ZNF84: variants seen among roughly 807,000 people sequenced by gnomAD.
ZNF84 encodes the protein zinc finger protein 84.
Under a neutral mutation model 14.8 loss-of-function variants are expected in ZNF84, and 12 were observed. The ratio of observed to expected loss-of-function variants is 0.81; its 90% confidence interval spans 0.52 to 1.31. The LOEUF is 1.31. ZNF84 is among the 50% of genes most tolerant of loss of function. The pLI is 0.00. For synonymous variants in ZNF84, 347 were observed against 291.1 expected, an observed-to-expected ratio of 1.19 and a Z score of -1.96; for missense variants, 859 against 878.6, an observed-to-expected ratio of 0.98 and a Z score of 0.28.
rs777391836 is a variant in ZNF84 at position 133,041,351 on chromosome 12, A to C, written c.-117A>C. The C allele has an allele frequency of 2.1e-4, 202 of 957,958 alleles. No homozygotes were observed. The highest frequency in any genetic ancestry group is 3.0e-4 in the Non-Finnish European group (182 of 604,576). The allele number at this position is 957,958 out of a possible 1,614,324, so 59.3% of individuals were successfully genotyped here. On this transcript the variant is annotated 5_prime_UTR_variant, in exon 2 of 5. Transcript: ENST00000539354. ...AAGGAGTTCCTGGAACCAGGAATTC[A>C]TTCTCAGTGTAGAAGACCTAGCTGA...
intron 2 of ZNF84, among the ~76,000 whole-genome samples, chr12:133,046,616 C>T (rs997442656): frequency 3.0e-4 from 45 of 151,026 alleles, no homozygotes; most frequent in Non-Finnish European, 6.2e-4. Context: ...TAAGACAATG[C>T]GACTTTTGAG....
Position 133,059,191 on chromosome 12 carries a change from A to G in ZNF84, c.*259A>G, listed in dbSNP as rs1954215565. ...TTCACAGCAAAGAAGAATCCTGTGA[A>G]TGTCCAAAAGCCTTCCAGAAGTCAA... On this transcript the variant is annotated 3_prime_UTR_variant, in exon 5 of 5. Transcript: ENST00000539354. 1 of 417,696 alleles carries G rather than the reference A, an allele frequency of 2.4e-6. No individual in the cohort carries two copies. Among genetic ancestry groups the G allele is most frequent in the Non-Finnish European group, 4.2e-6 (1 of 237,058 alleles). The allele number at this position is 417,696 out of a possible 1,614,324, so 25.9% of individuals were successfully genotyped here.
chr12:133,046,265 C>G (rs1008067557), intron 2 of ZNF84, among the ~76,000 whole-genome samples: 10 of 151,888 alleles, frequency 6.6e-5, no homozygotes, highest in African/African-American at 4.8e-5. Flanking sequence ...GCCCCAGCCC[C>G]ACTGTGGCCT....
chr12:133,040,366 A>C (rs1183455425), intron 1 of ZNF84: 1 of 151,942 alleles, frequency 6.6e-6, no homozygotes, highest in Non-Finnish European at 1.5e-5. Flanking sequence ...GTTTGAGACT[A>C]TCCTGGGCAG....
intron 1 of ZNF84, chr12:133,040,777 C>G (rs962577127): frequency 6.6e-6 from 1 of 152,056 alleles, no homozygotes; most frequent in South Asian, 2.1e-4. Flanking sequence ...ACTGACCAAT[C>G]TCTAGTCATA....
chr12:133,037,864 C>T (rs1266241194), intron 1 of ZNF84: 1 of 152,270 alleles, frequency 6.6e-6, no homozygotes, highest in African/African-American at 2.4e-5. Flanking sequence ...GGCCAGCCCG[C>T]TTGCCGCGCC....
rs1272505675 is a variant in ZNF84 at position 133,061,167 on chromosome 12, C to G, written c.*2235C>G. 3.3e-5 allele frequency: 5 copies of G among 152,166 alleles called. No individual in the cohort carries two copies. The highest frequency in any genetic ancestry group is 7.3e-5 in the Non-Finnish European group (5 of 68,032). 9.4% of individuals were successfully genotyped at this position (152,166 alleles called of 1,614,324 possible). A position where few individuals can be genotyped will look rare whatever the true frequency, so the allele number is the denominator to read the frequency against. ...AATTTTCCAACTTTTTGTTCATACT[C>G]AAGTGTATGAACTTCCTGGCTGGGC... On this transcript the variant is annotated 3_prime_UTR_variant, in exon 5 of 5. Coordinates refer to ENST00000539354, the MANE Select transcript of ZNF84 (RefSeq NM_001289971.2).
In ZNF84 at chr12:133,063,023, A is replaced by G. The variant is rs1008570257; in HGVS notation, c.*4091A>G. 3 of 690,042 alleles carry G rather than the reference A, an allele frequency of 4.3e-6. No individual in the cohort carries two copies. The highest frequency in any genetic ancestry group is 1.8e-5 in the African/African-American group (1 of 56,688). 42.7% of individuals were successfully genotyped at this position (690,042 alleles called of 1,614,324 possible). ...AGAAAGCTTCTAGAAAGCTAGTACT[A>G]TCTTTTTTGTCTGTGTAATTTTTGC... On this transcript the variant is annotated 3_prime_UTR_variant, in exon 5 of 5. Transcript: ENST00000539354.
Position 133,059,213 on chromosome 12 carries a change from T to G in ZNF84, c.*281T>G, listed in dbSNP as rs115840697. On this transcript the variant is annotated 3_prime_UTR_variant, in exon 5 of 5. Transcript: ENST00000539354. ...TGAATGTCCAAAAGCCTTCCAGAAG[T>G]CAAGTCTCTTAAGCTATTAGAAATA... 2.4e-6 allele frequency: 1 copy of G among 410,754 alleles called. No individual in the cohort carries two copies. 25.4% of individuals were successfully genotyped at this position (410,754 alleles called of 1,614,324 possible).
At position 133,057,562 on chromosome 12, in the gene ZNF84, C is replaced by T. The variant is rs929155088; in HGVS notation, c.847C>T (p.Arg283Trp). Residue 283 changes from arginine to tryptophan, a missense_variant, in exon 5 of 5, where the codon CGG becomes TGG. Transcript: ENST00000539354. Reference protein sequence around the residue: ...SQKSQLTSHQRTHTGEKPYEC... With the variant: ...SQKSQLTSHQWTHTGEKPYEC... ...AAAGTCACAGCTCACATCCCATCAG[C>T]GGACACATACAGGAGAGAAACCTTA... 21 of 1,613,568 alleles carry T rather than the reference C, an allele frequency of 1.3e-5. No homozygotes were observed. The highest frequency in any genetic ancestry group is 1.8e-5 in the Non-Finnish European group (21 of 1,179,912).
intron 4 of ZNF84, among the ~76,000 whole-genome samples, chr12:133,051,163 CTTG>C (rs1471685261): frequency 4.4e-5 from 2 of 45,020 alleles, no homozygotes; most frequent in Non-Finnish European, 6.7e-5. Flanking sequence ...TGAGAAACTT[CTTG>C]TTGTTTTTAT....
In ZNF84 at chr12:133,059,193, G is replaced by A. The variant is rs1472756708; in HGVS notation, c.*261G>A. On this transcript the variant is annotated 3_prime_UTR_variant, in exon 5 of 5. Transcript: ENST00000539354. ...CACAGCAAAGAAGAATCCTGTGAAT[G>A]TCCAAAAGCCTTCCAGAAGTCAAGT... 1 of 415,560 alleles carries A rather than the reference G, an allele frequency of 2.4e-6. No homozygotes were observed. Among genetic ancestry groups the A allele is most frequent in the Non-Finnish European group, 4.2e-6 (1 of 235,870 alleles). The allele number at this position is 415,560 out of a possible 1,614,324, so 25.7% of individuals were successfully genotyped here. A position where few individuals can be genotyped will look rare whatever the true frequency, so the allele number is the denominator to read the frequency against.
intron 3 of ZNF84, 191 bp from the exon 4 acceptor site, chr12:133,048,562 G>A (rs1954022842): frequency 2.3e-6 from 1 of 438,040 alleles, no homozygotes; most frequent in African/African-American, 2.0e-5. Context: ...CAGAGCCTCT[G>A]AAGTGTTCAG....
intron 4 of ZNF84, among the ~76,000 whole-genome samples, chr12:133,052,967 T>TC (rs1271311544): frequency 3.3e-5 from 5 of 152,214 alleles, no homozygotes; most frequent in Non-Finnish European, 7.3e-5. Flanking sequence ...GCCTGAGAGA[T>TC]ACAGATAAGT....
At chr12:133,051,520 CAAATG>C (rs1954068344) in intron 4 of ZNF84, among the ~76,000 whole-genome samples, 2 of 152,144 alleles carry the variant, frequency 1.3e-5, no homozygotes, top group Non-Finnish European at 2.9e-5. Context: ...AGCTGGATCA[CAAATG>C]AAAAAGGCAC....
intron 4 of ZNF84, among the ~76,000 whole-genome samples, chr12:133,056,316 T>A (rs1364892341): frequency 6.6e-6 from 1 of 152,078 alleles, no homozygotes; most frequent in African/African-American, 2.4e-5. Flanking sequence ...TGCAGTGGCG[T>A]GATCTCGGCT....
chr12:133,037,883 A>G (rs1953814285), intron 1 of ZNF84: 2 of 152,242 alleles, frequency 1.3e-5, no homozygotes, highest in Non-Finnish European at 2.9e-5. Flanking sequence ...CCGTGGCCCT[A>G]AGGAGCGGCT....
chr12:133,044,895 CAG>C (rs1296786442), intron 2 of ZNF84, among the ~76,000 whole-genome samples: 4 of 151,268 alleles, frequency 2.6e-5, no homozygotes, highest in Admixed American at 2.6e-4. Flanking sequence ...GCCTGGGCAA[CAG>C]AGCAAGACTC....
At position 133,062,648 on chromosome 12, in the gene ZNF84, C is replaced by A; in HGVS notation, c.*3716C>A. On this transcript the variant is annotated 3_prime_UTR_variant, in exon 5 of 5. Transcript: ENST00000539354. ...TTTCAGTCCATTTTTCACATGTATA[C>A]ATAGTGATTATTTTTAAATGCAACC... The A allele has an allele frequency of 5.3e-6, 1 of 187,100 alleles. No individual in the cohort carries two copies. Among genetic ancestry groups the A allele is most frequent in the Admixed American group, 5.3e-5 (1 of 18,738 alleles). 11.6% of individuals were successfully genotyped at this position (187,100 alleles called of 1,614,324 possible).
Sources: gnomAD v4.1 joint callset for allele counts (sites outside exome capture counted in the v4.1 genomes callset) on GRCh38, gnomAD v4.1.1 for gene constraint, MANE v1.5 for transcripts, NCBI Gene and HGNC (gene_info 2026-07-23, HGNC 2026-07-21) for gene names.